ST6GALNAC3: variants seen among roughly 807,000 people sequenced by gnomAD.
ST6GALNAC3 encodes alpha-N-acetylgalactosaminide alpha-2,6-sialyltransferase 3.
In ST6GALNAC3, 25 loss-of-function variants were observed where a neutral mutation model predicts 32.7. The ratio of observed to expected loss-of-function variants is 0.76; its 90% CI spans 0.56 to 1.07. ST6GALNAC3 has a LOEUF of 1.07. Ranked by LOEUF, ST6GALNAC3 falls within the 50% of genes least tolerant of loss-of-function variation. ST6GALNAC3 has a pLI of 0.00. For synonymous variants in ST6GALNAC3, 129 were observed against 133.1 expected (o/e 0.97, Z 0.21); for missense variants, 355 against 382.4 (o/e 0.93, Z 0.60).
intron 1 of ST6GALNAC3, among the ~76,000 whole-genome samples, chr1:76,231,499 T>A (rs572809364): frequency 6.6e-6 from 1 of 152,302 alleles, no homozygotes; most frequent in Admixed American, 6.5e-5. Context: ...CTTCTGTTTC[T>A]CCCTCCTGCC....
chr1:76,448,675 G>A (rs923490117), intron 3 of ST6GALNAC3, among the ~76,000 whole-genome samples: 9 of 152,150 alleles, frequency 5.9e-5, no homozygotes, highest in Admixed American at 5.9e-4. Context: ...AAGACCCAAT[G>A]TTTTTAAAAA....
chr1:76,283,789 A>G (rs2100794603), intron 1 of ST6GALNAC3, among the ~76,000 whole-genome samples: 1 of 152,270 alleles, frequency 6.6e-6, no homozygotes, highest in East Asian at 1.9e-4. Context: ...TTTCATTGCA[A>G]TTGTTTTATT....
At chr1:76,268,202 G>T (rs1251158004) in intron 1 of ST6GALNAC3, among the ~76,000 whole-genome samples, 1 of 152,202 alleles carries the variant, frequency 6.6e-6, no homozygotes, top group African/African-American at 2.4e-5. Context: ...CCGAGAAGTG[G>T]TAGTGGTGCC....
intron 1 of ST6GALNAC3, chr1:76,307,918 G>A (rs1272356753): frequency 3.9e-6 from 2 of 516,132 alleles, no homozygotes; most frequent in African/African-American, 3.9e-5. Context: ...TCTGATAAAT[G>A]ATATTCCCAC....
chr1:76,182,001 T>A lies in ST6GALNAC3; in HGVS notation c.18+107117T>A, dbSNP rs561290579. On this transcript the variant is annotated intron_variant, in intron 1 of 4. Transcript: ENST00000328299. Reference sequence around the variant, plus strand: ...TCATATCTACAATGAGCACTGAGTCTCTCTTATGATGTGGCCAGCTATCAC... The same window carrying A: ...TCATATCTACAATGAGCACTGAGTCACTCTTATGATGTGGCCAGCTATCAC... Among the ~76,000 whole-genome samples the A allele has an allele frequency of 3.2e-4, 49 of 152,288 alleles. 2 individuals carry two copies. In the South Asian group the frequency reaches 9.5e-3, roughly 30 times the overall value.
chr1:76,270,065 T>C (rs1484372571), intron 1 of ST6GALNAC3, among the ~76,000 whole-genome samples: 1 of 152,138 alleles, frequency 6.6e-6, no homozygotes, highest in African/African-American at 2.4e-5. Context: ...CCCCAAATAG[T>C]GGTTCCTGAG....
At chr1:76,357,585 AATC>A in intron 2 of ST6GALNAC3, among the ~76,000 whole-genome samples, 1 of 152,308 alleles carries the variant, frequency 6.6e-6, no homozygotes, top group Middle Eastern at 3.4e-3. Context: ...GCTTGACAGA[AATC>A]ATCACCTCCT....
intron 2 of ST6GALNAC3, among the ~76,000 whole-genome samples, chr1:76,367,541 A>T (rs1395417634): frequency 6.6e-6 from 1 of 152,158 alleles, no homozygotes; most frequent in East Asian, 1.9e-4. Flanking sequence ...GTGGGGCAAA[A>T]GTTCAGTGAA....
rs149010115 is a variant in ST6GALNAC3 at position 76,201,957 on chromosome 1, G to A, written c.19-111848G>A. 7.0e-3 allele frequency among the ~76,000 whole-genome samples: 1,060 copies of A among 152,166 alleles called. 8 individuals are homozygous for A. The highest frequency in any genetic ancestry group is 0.02 in the Middle Eastern group (6 of 294). ...GATGCATTAGTAAAATTTAACTATC[G>A]TAAAGCCTCTGGGAGCATTGACTTG... is the stretch of plus-strand genomic sequence containing the variant. On this transcript the variant is annotated intron_variant, in intron 1 of 4. Transcript: ENST00000328299.
At chr1:76,558,348 C>T (rs768187809) in intron 3 of ST6GALNAC3, among the ~76,000 whole-genome samples, 4 of 152,142 alleles carry the variant, frequency 2.6e-5, no homozygotes, top group Non-Finnish European at 5.9e-5. Context: ...AACCTAGATG[C>T]CTATCAACAG....
At chr1:76,248,942 G>A (rs1049414524) in intron 1 of ST6GALNAC3, among the ~76,000 whole-genome samples, 6 of 152,044 alleles carry the variant, frequency 3.9e-5, no homozygotes, top group Admixed American at 6.6e-5. Context: ...TCAAAGTACC[G>A]ATTTACCTTG....
At chr1:76,443,886 T>G (rs1260699352) in intron 3 of ST6GALNAC3, among the ~76,000 whole-genome samples, 3 of 152,228 alleles carry the variant, frequency 2.0e-5, no homozygotes, top group Non-Finnish European at 4.4e-5. Context: ...ACTTTCACTC[T>G]CTAGGAAACT....
intron 1 of ST6GALNAC3, among the ~76,000 whole-genome samples, chr1:76,312,025 T>A (rs1646774258): frequency 6.6e-6 from 1 of 152,210 alleles, no homozygotes. Flanking sequence ...ACTTCTCTAA[T>A]GAATAGTGAT....
intron 3 of ST6GALNAC3, among the ~76,000 whole-genome samples, chr1:76,540,297 G>A (rs1222543492): frequency 6.6e-6 from 1 of 152,080 alleles, no homozygotes; most frequent in African/African-American, 2.4e-5. Context: ...ATAAGTGGGA[G>A]TTGAACAATG....
intron 2 of ST6GALNAC3, among the ~76,000 whole-genome samples, chr1:76,364,720 A>T (rs549487740): frequency 6.6e-6 from 1 of 152,174 alleles, no homozygotes; most frequent in African/African-American, 2.4e-5. Flanking sequence ...GCCAAGAAAC[A>T]TATGAAAAAA....
intron 1 of ST6GALNAC3, among the ~76,000 whole-genome samples, chr1:76,124,755 G>C (rs771069905): frequency 2.0e-5 from 3 of 151,938 alleles, no homozygotes; most frequent in African/African-American, 2.4e-5. Flanking sequence ...ATTTCTTCAG[G>C]GGTTTTTATT....
chr1:76,489,518 CA>C (rs1483101041), intron 3 of ST6GALNAC3, among the ~76,000 whole-genome samples: 1 of 151,940 alleles, frequency 6.6e-6, no homozygotes, highest in East Asian at 1.9e-4. Context: ...ATGAAAATTC[CA>C]AAAGGATCTA....
chr1:76,291,181 C>T (rs551091868), intron 1 of ST6GALNAC3, among the ~76,000 whole-genome samples: 1 of 152,318 alleles, frequency 6.6e-6, no homozygotes, highest in East Asian at 1.9e-4. Flanking sequence ...TTCAGAGAAT[C>T]CAAGCTTCTT....
chr1:76,248,237 C>A (rs1657418693), intron 1 of ST6GALNAC3, among the ~76,000 whole-genome samples: 1 of 152,294 alleles, frequency 6.6e-6, no homozygotes, highest in Non-Finnish European at 1.5e-5. Flanking sequence ...GAGCTGCAGA[C>A]CAGAGCTGTT....
Sources: gnomAD v4.1 joint callset for allele counts (sites outside exome capture counted in the v4.1 genomes callset) on GRCh38, gnomAD v4.1.1 for gene constraint, MANE v1.5 for transcripts, NCBI Gene and HGNC (gene_info 2026-07-23, HGNC 2026-07-21) for gene names.